SCAF4: variants seen among roughly 807,000 people sequenced by gnomAD.
SCAF4 encodes SR-related CTD associated factor 4.
In SCAF4, 25 loss-of-function variants were observed where a neutral mutation model predicts 129.8. The ratio of observed to expected loss-of-function variants is 0.19; its 90% CI spans 0.14 to 0.27. SCAF4 has a LOEUF of 0.27. SCAF4 is among the 10% of genes least tolerant of loss of function. The pLI, the probability that SCAF4 is intolerant of heterozygous loss-of-function variation, is 1.00. For missense variants in SCAF4, 1,246 were observed against 1,457.1 expected, an observed-to-expected ratio of 0.86 and a Z score of 2.36; for synonymous variants, 551 against 497.7, an observed-to-expected ratio of 1.11 and a Z score of -1.43.
At chr21:31,708,082 A>G (rs900029056) in intron 1 of SCAF4, among the ~76,000 whole-genome samples, 2 of 152,208 alleles carry the variant, frequency 1.3e-5, no homozygotes, top group African/African-American at 4.8e-5. Flanking sequence ...ACTAACTGAA[A>G]GGCAATTAGA....
intron 15 of SCAF4, among the ~76,000 whole-genome samples, chr21:31,690,395 G>C (rs1404143414): frequency 6.6e-6 from 1 of 152,122 alleles, no homozygotes; most frequent in Non-Finnish European, 1.5e-5. Context: ...TGAAGGAGGA[G>C]AGTGGCTTGA....
chr21:31,692,287 T>G (rs770389318), intron 13 of SCAF4, 62 bp downstream of exon 13: 20 of 1,329,224 alleles, frequency 1.5e-5, no homozygotes, highest in Non-Finnish European at 2.2e-5. Context: ...AGGTCCTCCA[T>G]TTCATAAAAT....
intron 1 of SCAF4, among the ~76,000 whole-genome samples, chr21:31,727,790 A>G (rs1399771721): frequency 7.0e-6 from 1 of 143,116 alleles, no homozygotes; most frequent in Non-Finnish European, 1.5e-5. Context: ...TCTCCACCTT[A>G]AAAAAAAAAA....
intron 1 of SCAF4, among the ~76,000 whole-genome samples, chr21:31,707,344 CT>C (rs2050692428): frequency 1.3e-5 from 2 of 152,128 alleles, no homozygotes; most frequent in African/African-American, 4.8e-5. Flanking sequence ...CAGAGCAAGA[CT>C]TTGTTTCCAA....
chr21:31,717,866 C>T lies in SCAF4; in HGVS notation c.31-11509G>A, dbSNP rs1221418551. Among the ~76,000 whole-genome samples, 118 of 109,348 alleles carry T rather than the reference C, an allele frequency of 1.1e-3. 4 individuals carry two copies. The highest frequency in any genetic ancestry group is 5.3e-3 in the African/African-American group (114 of 21,544). The allele number at this position is 109,348 out of a possible 152,430, so 71.7% of individuals were successfully genotyped here. A position where few individuals can be genotyped will look rare whatever the true frequency, so the allele number is the denominator to read the frequency against. Reference sequence around the variant, plus strand: ...ATACACACACACACACACACACACACACACATATACACATATATACACATA... The same window carrying T: ...ATACACACACACACACACACACACATACACATATACACATATATACACATA... On this transcript the variant is annotated intron_variant, in intron 1 of 19. Coordinates refer to ENST00000286835, the MANE Select transcript of SCAF4 (RefSeq NM_020706.2).
At chr21:31,721,784 AG>A (rs1568865614) in intron 1 of SCAF4, among the ~76,000 whole-genome samples, 13 of 150,372 alleles carry the variant, frequency 8.6e-5, no homozygotes, top group Non-Finnish European at 1.6e-4. Context: ...TGGAGTGCAC[AG>A]GCACAATCTC....
intron 1 of SCAF4, among the ~76,000 whole-genome samples, chr21:31,710,143 G>A (rs2050765567): frequency 6.6e-6 from 1 of 152,132 alleles, no homozygotes; most frequent in African/African-American, 2.4e-5. Context: ...AAATATCTAG[G>A]CAGAGAAAGA....
chr21:31,695,093 A>G, intron 9 of SCAF4, 113 bp from the exon 10 acceptor site: 1 of 792,354 alleles, frequency 1.3e-6, no homozygotes, highest in Non-Finnish European at 2.0e-6. Context: ...AAAAGTTACA[A>G]CGACATTCAA....
At chr21:31,710,589 A>G (rs947659985) in intron 1 of SCAF4, among the ~76,000 whole-genome samples, 2 of 152,128 alleles carry the variant, frequency 1.3e-5, no homozygotes, top group Non-Finnish European at 2.9e-5. Flanking sequence ...CACAAAACAG[A>G]AGAACAACAT....
intron 9 of SCAF4, 21 bp from the exon 10 acceptor site, chr21:31,695,001 G>A (rs778900888): frequency 1.9e-6 from 3 of 1,600,898 alleles, no homozygotes; most frequent in South Asian, 1.1e-5. Flanking sequence ...TAAAGAAAGT[G>A]TATGAGTAAT....
At chr21:31,705,309 C>CTA in intron 3 of SCAF4, 114 bp downstream of exon 3, 1 of 526,514 alleles carries the variant, frequency 1.9e-6, no homozygotes, top group East Asian at 3.7e-5. Flanking sequence ...AAAAGAACCT[C>CTA]TAGTGACTAA....
chr21:31,679,129 G>T (rs987809058), intron 19 of SCAF4, among the ~76,000 whole-genome samples: 1 of 152,166 alleles, frequency 6.6e-6, no homozygotes, highest in African/African-American at 2.4e-5. Context: ...AACCTAGGAG[G>T]ACTTGAACTT....
At chr21:31,693,650 G>T (rs1159867229) in intron 11 of SCAF4, among the ~76,000 whole-genome samples, 166 bp from the exon 12 acceptor site, 2 of 152,086 alleles carry the variant, frequency 1.3e-5, no homozygotes, top group Admixed American at 1.3e-4. Flanking sequence ...TCCCAAATTA[G>T]AAATCATGCA....
chr21:31,685,219 T>C lies in SCAF4; in HGVS notation c.2318A>G (p.Glu773Gly), dbSNP rs1381828628. ...AATAGATAAGTCTTTTGTAGTGTCT[T>C]CATTTATACCAGCGATAGTAGCTAA... is the stretch of plus-strand genomic sequence containing the variant. Reference protein sequence around the residue: ...IPNSTIAGINEDTTKDLSIGN... With the variant: ...IPNSTIAGINGDTTKDLSIGN... Residue 773 changes from glutamate to glycine, a missense_variant, in exon 19 of 20, where the codon GAA (glutamate) becomes GGA (glycine). By Grantham distance (98) the Glu-to-Gly change is moderately conservative (BLOSUM62 -2). Transcript: ENST00000286835. 1.9e-6 allele frequency: 3 copies of C among 1,607,532 alleles called. No homozygotes were observed. The highest frequency in any genetic ancestry group is 2.6e-6 in the Non-Finnish European group (3 of 1,175,090).
rs1568830984 is a variant in SCAF4 at position 31,686,231 on chromosome 21, A to AAG, written c.2044-499_2044-498insCT. Among the ~76,000 whole-genome samples, 83 of 150,600 alleles carry AAG rather than the reference A, an allele frequency of 5.5e-4. 1 individual carries two copies. The highest frequency in any genetic ancestry group is 2.0e-3 in the African/African-American group (80 of 40,730). Reference sequence around the variant, plus strand: ...AAAAAAAAAAAGAAAAAAAAAAAAAAGGAAAGAAAGAAAGAAATCAAAGTT... The same window carrying AAG: ...AAAAAAAAAAAGAAAAAAAAAAAAAAAGGGAAAGAAAGAAAGAAATCAAAGTT... On this transcript the variant is annotated intron_variant, in intron 16 of 19. Transcript: ENST00000286835.
rs1011234438 is a variant in SCAF4, at chr21:31,671,575, T to C, written c.3268A>G (p.Asn1090Asp). 1.2e-6 allele frequency: 2 copies of C among 1,614,062 alleles called. No homozygotes were observed. Among genetic ancestry groups the C allele is most frequent in the African/African-American group, 2.7e-5 (2 of 74,926 alleles). The change falls in exon 20 of 20, where the codon AAC becomes GAC. Residue 1090 changes from asparagine to aspartate, a missense_variant. Around this residue, in one of 6 missense-constraint regions of SCAF4, gnomAD observed 339 missense variants for 325.0 expected, o/e 1.04. Coordinates refer to ENST00000286835, the MANE Select transcript of SCAF4 (RefSeq NM_020706.2). ...CTAATGGGAGGTTCAACGGTTTTGTTACCACCTGCCCTGTCTGTCACCTCA... is the reference window on the plus strand; with the variant it reads ...CTAATGGGAGGTTCAACGGTTTTGTCACCACCTGCCCTGTCTGTCACCTCA... ...KPEVTDRAGG[N>D]KTVEPPISQV... is the part of the protein sequence containing the mutation.
At chr21:31,701,995 A>G (rs1568847249) in intron 5 of SCAF4, 77 bp from the exon 6 acceptor site, 3 of 1,522,152 alleles carry the variant, frequency 2.0e-6, no homozygotes, top group South Asian at 2.4e-5. Context: ...CTTTGCTAAA[A>G]TAACATTTTA....
intron 15 of SCAF4, among the ~76,000 whole-genome samples, chr21:31,689,792 T>C (rs73351399): frequency 0.076 from 11,420 of 150,998 alleles, 602 homozygotes; most frequent in African/African-American, 0.15. Context: ...AAAATTAGCA[T>C]GGCACGGTGG....
intron 11 of SCAF4, 43 bp downstream of exon 11, chr21:31,694,161 C>G: frequency 9.5e-7 from 1 of 1,057,484 alleles, no homozygotes; most frequent in Non-Finnish European, 1.4e-6. Context: ...TTCTATGTCC[C>G]CTAAGATATA....
Sources: allele counts gnomAD v4.1 joint callset (sites outside exome capture counted in the v4.1 genomes callset), GRCh38; gene constraint gnomAD v4.1.1; regional missense constraint gnomAD v4.1.1; transcripts MANE v1.5; gene names NCBI Gene and HGNC (gene_info 2026-07-23, HGNC 2026-07-21).